Variants in ZNF512 observed in about 807,000 individuals in gnomAD.
ZNF512 encodes the protein zinc finger protein 512.
A neutral mutation model predicts 77.5 loss-of-function variants in ZNF512; 25 were observed. The observed-to-expected ratio is 0.32, with a 90% CI of 0.23 to 0.45. The LOEUF is 0.45. ZNF512 is among the 20% of genes least tolerant of loss of function. The pLI, the probability that ZNF512 is intolerant of heterozygous loss-of-function variation, is 1.00. For missense variants in ZNF512, 483 were observed against 692.6 expected (o/e 0.70, Z 3.40); for synonymous variants, 246 against 239.9 (o/e 1.03, Z -0.24).
intron 2 of ZNF512, among the ~76,000 whole-genome samples, chr2:27,585,221 T>A (rs1671275202): frequency 6.6e-6 from 1 of 152,194 alleles, no homozygotes; most frequent in Admixed American, 6.5e-5. Flanking sequence ...GGAGCAACAT[T>A]TGGAACAAAA....
intron 4 of ZNF512, 77 bp from the exon 5 acceptor site, chr2:27,599,893 T>G: frequency 1.3e-6 from 2 of 1,507,772 alleles, no homozygotes; most frequent in Non-Finnish European, 1.8e-6. Context: ...AATAGGGTGT[T>G]GAAGAGGAGG....
chr2:27,616,415 C>T (rs1411392633), intron 12 of ZNF512, 91 bp downstream of exon 12: 18 of 1,013,858 alleles, frequency 1.8e-5, no homozygotes, highest in Non-Finnish European at 2.5e-5. Flanking sequence ...AGCTAGTTGT[C>T]CTGTTTACCA....
chr2:27,608,173 C>A, intron 10 of ZNF512, 134 bp downstream of exon 10: 1 of 800,158 alleles, frequency 1.2e-6, no homozygotes. Context: ...AGATAGAGTA[C>A]ATCTGATCTA....
At chr2:27,593,090 G>A (rs990358392) in intron 2 of ZNF512, among the ~76,000 whole-genome samples, 1 of 151,256 alleles carries the variant, frequency 6.6e-6, no homozygotes, top group Non-Finnish European at 1.5e-5. Context: ...GTTGGGTACC[G>A]TGGCTCATGC....
At chr2:27,584,903 T>G (rs1671262146) in intron 2 of ZNF512, among the ~76,000 whole-genome samples, 1 of 152,044 alleles carries the variant, frequency 6.6e-6, no homozygotes, top group African/African-American at 2.4e-5. Context: ...CTGGAAGAGA[T>G]AATGAGGGAA....
At chr2:27,614,981 G>C (rs1672822621) in intron 10 of ZNF512, among the ~76,000 whole-genome samples, 187 bp from the exon 11 acceptor site, 1 of 151,818 alleles carries the variant, frequency 6.6e-6, no homozygotes, top group Admixed American at 6.6e-5. Context: ...ACTTTTCTAA[G>C]ACAAACAATA....
intron 12 of ZNF512, 76 bp from the exon 13 acceptor site, chr2:27,617,397 T>G: frequency 2.7e-6 from 2 of 747,174 alleles, no homozygotes; most frequent in Non-Finnish European, 5.0e-6. Flanking sequence ...TTTTCATCTC[T>G]AACAATCCCT....
In ZNF512 at chr2:27,621,333, G is replaced by T. The variant is rs777242489; in HGVS notation, c.1576G>T (p.Asp526Tyr). Residue 526 changes from aspartate to tyrosine, a missense_variant, in exon 14 of 14, where the codon GAT becomes TAT. Coordinates refer to ENST00000355467, the MANE Select transcript of ZNF512 (RefSeq NM_032434.4). ...ETELSLRVGK[D>Y]QRRNNEELVV... is the part of the protein sequence containing the mutation. ...AGAGCTGAGTCTTAGAGTAGGGAAG[G>T]ATCAGAGGAGGAATAATGAGGAACT... 6.2e-7 allele frequency: 1 copy of T among 1,614,168 alleles called. No homozygotes were observed. The highest frequency in any genetic ancestry group is 8.5e-7 in the Non-Finnish European group (1 of 1,180,006).
chr2:27,602,741 C>T (rs1374426708), intron 8 of ZNF512, among the ~76,000 whole-genome samples, 180 bp downstream of exon 8: 1 of 152,092 alleles, frequency 6.6e-6, no homozygotes, highest in South Asian at 2.1e-4. Flanking sequence ...TTTTCTCCCC[C>T]TTCCCTTTGT....
At chr2:27,606,302 A>T (rs898440393) in intron 9 of ZNF512, among the ~76,000 whole-genome samples, 5 of 150,384 alleles carry the variant, frequency 3.3e-5, no homozygotes, top group African/African-American at 1.2e-4. Context: ...GTATTTTTTC[A>T]TTTATGGATA....
intron 2 of ZNF512, among the ~76,000 whole-genome samples, 177 bp from the exon 3 acceptor site, chr2:27,597,890 T>C (rs1344718062): frequency 1.3e-5 from 2 of 152,240 alleles, no homozygotes; most frequent in African/African-American, 4.8e-5. Flanking sequence ...ATAATAATTG[T>C]ACATGTTGTG....
rs760887840 is a variant in ZNF512 at position 27,622,410 on chromosome 2, C to G, written c.*949C>G. 3.3e-4 allele frequency: 50 copies of G among 152,908 alleles called. No individual in the cohort carries two copies. The highest frequency in any genetic ancestry group is 7.8e-4 in the Admixed American group (12 of 15,292). The allele number at this position is 152,908 out of a possible 1,614,324, so 9.5% of individuals were successfully genotyped here. On this transcript the variant is annotated 3_prime_UTR_variant, in exon 14 of 14. Transcript: ENST00000355467. ...CTTTACCTTACTTGTTAGTCTACGCCCCACTGTTTCCACCCATCCCCTTAG... is the reference window on the plus strand; with the variant it reads ...CTTTACCTTACTTGTTAGTCTACGCGCCACTGTTTCCACCCATCCCCTTAG...
At chr2:27,583,368 C>T (rs1374438274) in intron 1 of ZNF512, 1 of 1,359,334 alleles carries the variant, frequency 7.4e-7, no homozygotes, top group African/African-American at 1.5e-5. Context: ...GTTTCTATTC[C>T]TTTTACATCC....
chr2:27,611,335 G>A (rs1672653403), intron 10 of ZNF512, among the ~76,000 whole-genome samples: 1 of 152,080 alleles, frequency 6.6e-6, no homozygotes, highest in Non-Finnish European at 1.5e-5. Context: ...CTGTTGAAGA[G>A]AACTGGCTGG....
intron 10 of ZNF512, among the ~76,000 whole-genome samples, chr2:27,613,700 G>GA (rs1672760770): frequency 6.6e-6 from 1 of 151,954 alleles, no homozygotes; most frequent in African/African-American, 2.4e-5. Context: ...TTGTTTGGTT[G>GA]AAAAAATCCA....
chr2:27,596,870 C>T (rs1671894768), intron 2 of ZNF512, among the ~76,000 whole-genome samples: 1 of 152,160 alleles, frequency 6.6e-6, no homozygotes, highest in Admixed American at 6.5e-5. Context: ...ACTGTATAAA[C>T]AAGTGTGATG....
In ZNF512 at chr2:27,604,445, T is replaced by C. The variant is rs576248510; in HGVS notation, c.936+1138T>C. ...CCATTTTAGTGCATAATTATAAGAGTTTTGACACATGTATACAGTCATGTA... is the reference window on the plus strand; with the variant it reads ...CCATTTTAGTGCATAATTATAAGAGCTTTGACACATGTATACAGTCATGTA... On this transcript the variant is annotated intron_variant, in intron 9 of 13. Coordinates refer to ENST00000355467, the MANE Select transcript of ZNF512 (RefSeq NM_032434.4). 2.6e-5 allele frequency among the ~76,000 whole-genome samples: 4 copies of C among 152,054 alleles called. 1 individual carries two copies. The East Asian group carries it at 7.7e-4, about 29-fold the overall frequency.
chr2:27,614,016 A>T (rs1184972851), intron 10 of ZNF512, among the ~76,000 whole-genome samples: 1 of 152,148 alleles, frequency 6.6e-6, no homozygotes, highest in Non-Finnish European at 1.5e-5. Flanking sequence ...GAGGAGACTA[A>T]ATGCTTATAA....
At chr2:27,600,575 A>G in intron 5 of ZNF512, 116 bp from the exon 6 acceptor site, 2 of 1,219,452 alleles carry the variant, frequency 1.6e-6, no homozygotes, top group South Asian at 1.5e-5. Flanking sequence ...TCTTCATCGC[A>G]GTCTACCAGG....
Sources: allele counts gnomAD v4.1 joint callset (sites outside exome capture counted in the v4.1 genomes callset), GRCh38; gene constraint gnomAD v4.1.1; transcripts MANE v1.5; gene names NCBI Gene and HGNC (gene_info 2026-07-23, HGNC 2026-07-21).